Variants in LIN28B observed in about 807,000 individuals in gnomAD.
LIN28B encodes the protein protein lin-28 homolog B.
In LIN28B, 5 loss-of-function variants were observed where a neutral mutation model predicts 21.9. The observed-to-expected ratio is 0.23, with a 90% CI of 0.12 to 0.48. The LOEUF (loss-of-function observed/expected upper bound fraction) is 0.48, where lower values mean the gene tolerates loss of function less well. Ranked by LOEUF, LIN28B falls within the 20% of genes least tolerant of loss-of-function variation. The pLI, the probability that LIN28B is intolerant of heterozygous loss-of-function variation, is 0.98. For synonymous variants in LIN28B, 109 were observed against 111.3 expected (o/e 0.98, Z 0.13); for missense variants, 245 against 310.5 (o/e 0.79, Z 1.58).
intron 2 of LIN28B, among the ~76,000 whole-genome samples, chr6:104,987,900 C>T (rs566071963): frequency 1.6e-4 from 25 of 151,980 alleles, no homozygotes; most frequent in Non-Finnish European, 3.1e-4. Flanking sequence ...CCCACCACCA[C>T]GCTTGGCTAA....
intron 2 of LIN28B, among the ~76,000 whole-genome samples, chr6:104,982,313 CAA>C (rs146674332): frequency 7.2e-5 from 9 of 125,660 alleles, no homozygotes; most frequent in Non-Finnish European, 8.5e-5. Context: ...GACTTCATCT[CAA>C]AAAAAAAAAA....
chr6:105,021,050 T>C (rs1771130977), intron 2 of LIN28B, among the ~76,000 whole-genome samples: 2 of 152,154 alleles, frequency 1.3e-5, no homozygotes, highest in South Asian at 4.1e-4. Context: ...CCACCGCGCC[T>C]GGCCTATCAT....
chr6:104,976,437 G>C (rs1770095239), intron 2 of LIN28B, among the ~76,000 whole-genome samples: 1 of 152,184 alleles, frequency 6.6e-6, no homozygotes, highest in African/African-American at 2.4e-5. Flanking sequence ...CAGAGGCTTT[G>C]TGGCAGGAAG....
At chr6:105,032,212 GAATAGAACAGCCATAAACATT>G (rs1342144113) in intron 3 of LIN28B, among the ~76,000 whole-genome samples, 37 of 152,196 alleles carry the variant, frequency 2.4e-4, no homozygotes, top group Non-Finnish European at 4.0e-4. Flanking sequence ...TGACAATTAT[GAATAGAACAGCCATAAACATT>G]TATGCACAAG....
At chr6:105,029,956 A>G (rs1019422918) in intron 3 of LIN28B, among the ~76,000 whole-genome samples, 1 of 152,198 alleles carries the variant, frequency 6.6e-6, no homozygotes, top group Non-Finnish European at 1.5e-5. Context: ...TCAAAGAATT[A>G]TAGTTGGGGT....
At chr6:105,062,316 T>C (rs1197361307) in intron 3 of LIN28B, among the ~76,000 whole-genome samples, 1 of 152,152 alleles carries the variant, frequency 6.6e-6, no homozygotes, top group Non-Finnish European at 1.5e-5. Context: ...CTGTTTTGTT[T>C]TGTTTTTGAT....
At chr6:105,020,107 C>CTTTTTTT (rs1158938023) in intron 2 of LIN28B, among the ~76,000 whole-genome samples, 103 of 87,564 alleles carry the variant, frequency 1.2e-3, no homozygotes, top group Non-Finnish European at 1.5e-3. Flanking sequence ...TCCTGTTATT[C>CTTTTTTT]TTTTTTTTTT....
At chr6:105,069,053 C>T (rs1772277254) in intron 3 of LIN28B, among the ~76,000 whole-genome samples, 1 of 151,944 alleles carries the variant, frequency 6.6e-6, no homozygotes, top group African/African-American at 2.4e-5. Context: ...CCTGACTCTA[C>T]TAAAAATACA....
chr6:105,012,504 A>C (rs1191951087), intron 2 of LIN28B, among the ~76,000 whole-genome samples: 1 of 151,580 alleles, frequency 6.6e-6, no homozygotes, highest in Admixed American at 6.6e-5. Context: ...ACAAACAAAA[A>C]CCCTATCGTT....
chr6:104,996,318 T>A (rs1000282899), intron 2 of LIN28B, among the ~76,000 whole-genome samples: 3 of 152,212 alleles, frequency 2.0e-5, no homozygotes, highest in Non-Finnish European at 4.4e-5. Flanking sequence ...GAGTGTTTGA[T>A]CATTTCTGGT....
intron 3 of LIN28B, among the ~76,000 whole-genome samples, chr6:105,067,833 G>T (rs1042565934): frequency 4.6e-5 from 7 of 152,110 alleles, no homozygotes; most frequent in Non-Finnish European, 1.0e-4. Flanking sequence ...TTATAGCTAT[G>T]CCTGATTGAA....
intron 3 of LIN28B, among the ~76,000 whole-genome samples, chr6:105,042,326 T>C (rs1001344128): frequency 2.0e-5 from 3 of 152,206 alleles, no homozygotes; most frequent in Non-Finnish European, 4.4e-5. Context: ...GAGCTTGTAC[T>C]ATAATCTAAG....
chr6:105,046,633 A>G (rs1194753934), intron 3 of LIN28B, among the ~76,000 whole-genome samples: 2 of 152,118 alleles, frequency 1.3e-5, no homozygotes, highest in Non-Finnish European at 2.9e-5. Context: ...AGTCCCACCA[A>G]CAGTGTAAAA....
At chr6:104,955,194 C>T (rs913420637), upstream of LIN28B, among the ~76,000 whole-genome samples, 32 of 152,132 alleles carry the variant, frequency 2.1e-4, no homozygotes, top group African/African-American at 7.7e-4. Flanking sequence ...TCAGTGTAAT[C>T]AGTATAATAG....
intron 2 of LIN28B, among the ~76,000 whole-genome samples, chr6:105,022,446 A>G (rs1771159661): frequency 6.6e-6 from 1 of 152,210 alleles, no homozygotes; most frequent in Non-Finnish European, 1.5e-5. Context: ...ACAGCTGTAA[A>G]GAAATATAAT....
chr6:104,950,103 G>A (rs536956291), intron 2 of LIN28B, among the ~76,000 whole-genome samples: 1 of 152,246 alleles, frequency 6.6e-6, no homozygotes, highest in African/African-American at 2.4e-5. Context: ...TCTAGGTTAA[G>A]TAGATTTTAA....
Position 105,021,199 on chromosome 6 carries a change from G to T in LIN28B, c.199-5099G>T, listed in dbSNP as rs542909199. On this transcript the variant is annotated intron_variant, in intron 2 of 3. Transcript: ENST00000345080. ...CCGTTAATGTTGCTGCAGAAGACAT[G>T]ATTTTGTTCTTTTTCACGGTGGAAT... Among the ~76,000 whole-genome samples the T allele has an allele frequency of 7.7e-4, 117 of 151,892 alleles. 1 individual carries two copies. Among genetic ancestry groups the T allele is most frequent in the Admixed American group, 3.0e-3 (45 of 15,224 alleles).
chr6:105,008,047 C>T (rs1377860758), intron 2 of LIN28B, among the ~76,000 whole-genome samples: 2 of 152,132 alleles, frequency 1.3e-5, no homozygotes, highest in Non-Finnish European at 2.9e-5. Flanking sequence ...AATTTTGTGC[C>T]TTGTGTCCAA....
chr6:104,945,949 A>G (rs1305729734), intron 2 of LIN28B, among the ~76,000 whole-genome samples: 1 of 152,076 alleles, frequency 6.6e-6, no homozygotes, highest in East Asian at 1.9e-4. Flanking sequence ...AGAGGTGTCC[A>G]TATCTTATAT....
Sources: gnomAD v4.1 joint callset for allele counts (sites outside exome capture counted in the v4.1 genomes callset) on GRCh38, gnomAD v4.1.1 for gene constraint, MANE v1.5 for transcripts, NCBI Gene and HGNC (gene_info 2026-07-23, HGNC 2026-07-21) for gene names.